KDM4C: variants seen among roughly 807,000 people sequenced by gnomAD.
The protein encoded by KDM4C is lysine demethylase 4C.
Under a neutral mutation model 129.3 loss-of-function variants are expected in KDM4C, and 81 were observed. The ratio of observed to expected loss-of-function variants is 0.63; its 90% CI spans 0.52 to 0.75. The LOEUF is 0.75. KDM4C is among the 30% of genes least tolerant of loss of function. The probability of loss-of-function intolerance (pLI) is 0.00; values close to 1 mark genes in which losing one functional copy is unlikely to be tolerated. For missense variants in KDM4C, 1,457 were observed against 1,304.0 expected, an observed-to-expected ratio of 1.12 and a Z score of -1.81; for synonymous variants, 573 against 456.1, an observed-to-expected ratio of 1.26 and a Z score of -3.26.
In KDM4C at chr9:7,122,103, G is replaced by A. The variant is rs149109684; in HGVS notation, c.2611-5963G>A. 2.8e-3 allele frequency among the ~76,000 whole-genome samples: 427 copies of A among 152,180 alleles called. 3 individuals carry two copies. The highest frequency in any genetic ancestry group is 0.01 in the African/African-American group (418 of 41,528). The stretch of plus-strand genomic sequence containing the variant: ...ATTTATAAAGAGAAGAGGTTTAATT[G>A]ACTTATGGTTCTGCAGGCTGTATAG... On this transcript the variant is annotated intron_variant, in intron 18 of 21. Coordinates refer to ENST00000381309, the MANE Select transcript of KDM4C (RefSeq NM_015061.6).
chr9:7,040,732 C>T (rs1019528085), intron 15 of KDM4C, among the ~76,000 whole-genome samples: 16 of 151,528 alleles, frequency 1.1e-4, no homozygotes, highest in Non-Finnish European at 1.8e-4. Flanking sequence ...TTTGCCTTCA[C>T]AATTTCAGGT....
chr9:6,912,902 G>A (rs1206225928), intron 8 of KDM4C, among the ~76,000 whole-genome samples: 1 of 151,888 alleles, frequency 6.6e-6, no homozygotes, highest in East Asian at 1.9e-4. Context: ...TTCTATTGTT[G>A]ATATTTCAAG....
At chr9:7,025,438 T>G (rs1825650931) in intron 15 of KDM4C, among the ~76,000 whole-genome samples, 1 of 152,208 alleles carries the variant, frequency 6.6e-6, no homozygotes, top group African/African-American at 2.4e-5. Context: ...CTTCCTTTCT[T>G]CATTCCTTCA....
intron 15 of KDM4C, among the ~76,000 whole-genome samples, chr9:7,025,575 C>G (rs971051685): frequency 6.6e-6 from 1 of 151,996 alleles, no homozygotes; most frequent in Non-Finnish European, 1.5e-5. Context: ...ATCTTACAAC[C>G]TATTATTTTA....
intron 19 of KDM4C, among the ~76,000 whole-genome samples, chr9:7,153,386 C>T (rs748671584): frequency 5.3e-5 from 8 of 152,202 alleles, no homozygotes; most frequent in South Asian, 2.1e-4. Context: ...GCCATTCCTC[C>T]GGTGCTTGGT....
At chr9:6,808,869 A>G (rs1040810691) in intron 3 of KDM4C, among the ~76,000 whole-genome samples, 7 of 152,066 alleles carry the variant, frequency 4.6e-5, no homozygotes, top group African/African-American at 1.4e-4. Context: ...CACAATTATT[A>G]TTATTAAACT....
intron 5 of KDM4C, among the ~76,000 whole-genome samples, chr9:6,875,880 A>G (rs1843470458): frequency 6.6e-6 from 1 of 152,192 alleles, no homozygotes; most frequent in Admixed American, 6.5e-5. Flanking sequence ...TTTTAAAGTG[A>G]TTCTTACTAG....
intron 2 of KDM4C, among the ~76,000 whole-genome samples, chr9:6,805,366 T>G (rs1177307810): frequency 6.6e-6 from 1 of 152,144 alleles, no homozygotes; most frequent in Non-Finnish European, 1.5e-5. Context: ...TAGTACCTAC[T>G]CAAAATGAGT....
intron 17 of KDM4C, among the ~76,000 whole-genome samples, chr9:7,080,996 C>G (rs1834459915): frequency 6.6e-6 from 1 of 152,316 alleles, no homozygotes; most frequent in African/African-American, 2.4e-5. Flanking sequence ...TGTGGGCAAA[C>G]CTAAGGCACA....
intron 5 of KDM4C, among the ~76,000 whole-genome samples, chr9:6,854,156 G>C (rs929901081): frequency 1.3e-5 from 2 of 152,078 alleles, no homozygotes; most frequent in African/African-American, 4.8e-5. Context: ...TCTTGTGTGA[G>C]TGCTTAACTG....
In KDM4C at chr9:6,860,990, G is replaced by A. The variant is rs1840821489; in HGVS notation, c.629+11290G>A. ...ATATAATATTACAGTTATTAAAAAT[G>A]TATGTTTGCTTAAGTTATTGTAAAA... On this transcript the variant is annotated intron_variant, in intron 5 of 21. Transcript: ENST00000381309. Among the ~76,000 whole-genome samples the A allele has an allele frequency of 2.0e-5, 3 of 152,152 alleles. No homozygotes were observed. The South Asian group carries it at 6.2e-4, about 32-fold the overall frequency.
intron 15 of KDM4C, among the ~76,000 whole-genome samples, chr9:7,017,499 A>T (rs1823903711): frequency 6.6e-6 from 1 of 152,140 alleles, no homozygotes. Context: ...AATAATAATA[A>T]TGTTATAAAA....
chr9:7,105,637 G>C, intron 18 of KDM4C: 1 of 351,680 alleles, frequency 2.8e-6, no homozygotes, highest in South Asian at 2.2e-5. Context: ...CTATTATTTG[G>C]TGAATTCCAA....
chr9:6,826,647 C>G (rs577954372), intron 4 of KDM4C, among the ~76,000 whole-genome samples: 1 of 151,992 alleles, frequency 6.6e-6, no homozygotes, highest in Non-Finnish European at 1.5e-5. Flanking sequence ...GGGTGGATCA[C>G]CTGAGGTCAG....
chr9:7,087,974 T>C (rs915952545), intron 17 of KDM4C, among the ~76,000 whole-genome samples: 1 of 152,258 alleles, frequency 6.6e-6, no homozygotes, highest in Non-Finnish European at 1.5e-5. Context: ...TAAATGTGGC[T>C]TTGCACTAGA....
intron 15 of KDM4C, among the ~76,000 whole-genome samples, chr9:7,028,929 T>A (rs935973151): frequency 6.6e-6 from 1 of 151,550 alleles, no homozygotes; most frequent in African/African-American, 2.4e-5. Flanking sequence ...AGGGGCGGCG[T>A]TGGTGATTCA....
intron 9 of KDM4C, among the ~76,000 whole-genome samples, chr9:6,982,956 G>A (rs949835117): frequency 6.6e-6 from 1 of 152,120 alleles, no homozygotes; most frequent in African/African-American, 2.4e-5. Flanking sequence ...ATCTCCCTTT[G>A]GAAATAGCCC....
At chr9:6,778,971 C>T (rs7862607) in intron 1 of KDM4C, among the ~76,000 whole-genome samples, 73,590 of 147,826 alleles carry the variant, frequency 0.5, 18,603 homozygotes, top group African/African-American at 0.57. Flanking sequence ...ATCCACCCAC[C>T]TTGACCTTCC....
rs185407853 is a variant in KDM4C at position 6,773,193 on chromosome 9, G to A, written c.-18+14990G>A. 1.3e-4 allele frequency among the ~76,000 whole-genome samples: 20 copies of A among 151,922 alleles called. No homozygotes were observed. The East Asian group carries it at 3.9e-3, about 29-fold the overall frequency. On this transcript the variant is annotated intron_variant, in intron 1 of 21. Coordinates refer to ENST00000381309, the MANE Select transcript of KDM4C (RefSeq NM_015061.6). ...TTTTTAATTTTATTTGGAGAGACAG[G>A]GTCTCCCTATATTGCCCAGCCTTAT... is the stretch of plus-strand genomic sequence containing the variant.
Sources: gnomAD v4.1 joint callset for allele counts (sites outside exome capture counted in the v4.1 genomes callset) on GRCh38, gnomAD v4.1.1 for gene constraint, MANE v1.5 for transcripts, NCBI Gene and HGNC (gene_info 2026-07-23, HGNC 2026-07-21) for gene names.